TFDP2: variants seen among roughly 807,000 people sequenced by gnomAD.
The protein encoded by TFDP2 is transcription factor Dp-2 (E2F dimerization partner 2).
A neutral mutation model predicts 59.3 loss-of-function variants in TFDP2; 17 were observed. The ratio of observed to expected loss-of-function variants is 0.29; its 90% CI spans 0.20 to 0.43. TFDP2 has a LOEUF of 0.43. Among genes scored for constraint, TFDP2 ranks in the 20% least tolerant of loss-of-function variants. The pLI is 1.00. For missense variants in TFDP2, 391 were observed against 528.8 expected (o/e 0.74, Z 2.56); for synonymous variants, 180 against 194.7 (o/e 0.92, Z 0.63).
chr3:142,136,890 A>G (rs1006213322), intron 1 of TFDP2, among the ~76,000 whole-genome samples: 1 of 151,996 alleles, frequency 6.6e-6, no homozygotes, highest in Non-Finnish European at 1.5e-5. Context: ...TTGCTTCCAT[A>G]TGAACTTTTA....
At position 142,106,116 on chromosome 3, in the gene TFDP2, T is replaced by A. The variant is rs59797691; in HGVS notation, c.-92-4275A>T. ...GAAAAAAAACCTGTTTAATTGTGGT[T>A]AAAAAAAAAAACTCTTCTAAAATTA... On this transcript the variant is annotated intron_variant, in intron 1 of 12. Coordinates refer to ENST00000489671, the MANE Select transcript of TFDP2 (RefSeq NM_001178139.2). Among the ~76,000 whole-genome samples the A allele has an allele frequency of 7.8e-3, 1,138 of 145,492 alleles. 8 individuals carry two copies. Among genetic ancestry groups the A allele is most frequent in the African/African-American group, 0.023 (913 of 39,502 alleles).
chr3:142,001,622 T>C (rs1943777944), intron 4 of TFDP2, among the ~76,000 whole-genome samples: 1 of 152,224 alleles, frequency 6.6e-6, no homozygotes, highest in Non-Finnish European at 1.5e-5. Flanking sequence ...TTTTATTCTT[T>C]ACATGGCCAA....
chr3:141,958,947 CTT>C (rs984082447), intron 11 of TFDP2, among the ~76,000 whole-genome samples: 5,794 of 103,192 alleles, frequency 0.056, 94 homozygotes, highest in Middle Eastern at 0.087. Context: ...GATGTACCTA[CTT>C]TTTTTTTTTT....
intron 1 of TFDP2, among the ~76,000 whole-genome samples, chr3:142,113,520 C>G (rs1277451555): frequency 6.6e-6 from 1 of 152,100 alleles, no homozygotes; most frequent in Non-Finnish European, 1.5e-5. Flanking sequence ...CTCAGCCTCC[C>G]AAAGTGGTGG....
chr3:142,115,794 G>GT (rs1235672963), intron 1 of TFDP2, among the ~76,000 whole-genome samples: 1 of 152,138 alleles, frequency 6.6e-6, no homozygotes, highest in East Asian at 1.9e-4. Context: ...CCTTCTTGCA[G>GT]TAACAGAACA....
rs528450916 is a variant in TFDP2 at position 142,093,450 on chromosome 3, C to CA, written c.16-324dup. ...TGGATGACAGAGTGAGACCCTGTCT[C>CA]AAAAAAAAAAAAGGTGAGGGGAATA... On this transcript the variant is annotated intron_variant, in intron 2 of 12. Coordinates refer to ENST00000489671, the MANE Select transcript of TFDP2 (RefSeq NM_001178139.2). 6.4e-3 allele frequency among the ~76,000 whole-genome samples: 746 copies of CA among 116,346 alleles called. 5 individuals are homozygous for CA. Among genetic ancestry groups the CA allele is most frequent in the African/African-American group, 0.01 (315 of 30,916 alleles). The allele number at this position is 116,346 out of a possible 152,430, so 76.3% of individuals were successfully genotyped here.
chr3:142,043,048 A>ATTTTATT (rs1553787163), intron 3 of TFDP2, among the ~76,000 whole-genome samples: 1 of 99,434 alleles, frequency 1.0e-5, no homozygotes, highest in Non-Finnish European at 2.1e-5. Flanking sequence ...GGCGATGCTT[A>ATTTTATT]TTTTATTATT....
chr3:141,972,980 T>C (rs1003178519), intron 8 of TFDP2, among the ~76,000 whole-genome samples: 1 of 151,540 alleles, frequency 6.6e-6, no homozygotes, highest in African/African-American at 2.4e-5. Flanking sequence ...TTCTGATGAA[T>C]ATCTGGTTTC....
intron 4 of TFDP2, among the ~76,000 whole-genome samples, chr3:142,003,721 C>T (rs1373571744): frequency 6.6e-6 from 1 of 152,120 alleles, no homozygotes; most frequent in Non-Finnish European, 1.5e-5. Flanking sequence ...TTCCAAATCG[C>T]CTCTCCTTCT....
At chr3:142,023,844 C>T (rs965147176) in intron 3 of TFDP2, among the ~76,000 whole-genome samples, 8 of 152,272 alleles carry the variant, frequency 5.3e-5, no homozygotes, top group Admixed American at 4.6e-4. Context: ...TGCTCTGTTG[C>T]CTAGGCCGGA....
At chr3:141,973,123 A>ATATTTTTT in intron 8 of TFDP2, among the ~76,000 whole-genome samples, 5 of 58,020 alleles carry the variant, frequency 8.6e-5, no homozygotes, top group South Asian at 4.7e-4. Context: ...ATATATATAT[A>ATATTTTTT]TTTTTTTTTT....
At chr3:141,969,078 T>G (rs1239953129) in intron 9 of TFDP2, among the ~76,000 whole-genome samples, 3 of 63,018 alleles carry the variant, frequency 4.8e-5, no homozygotes, top group African/African-American at 7.8e-5. Context: ...ATATATGAGA[T>G]ATATATATAT....
At chr3:141,985,901 C>A (rs760029440) in intron 6 of TFDP2, among the ~76,000 whole-genome samples, 23 of 152,248 alleles carry the variant, frequency 1.5e-4, no homozygotes, top group Non-Finnish European at 2.4e-4. Flanking sequence ...ACAAGGAATG[C>A]AAATCAAAAT....
intron 4 of TFDP2, among the ~76,000 whole-genome samples, chr3:141,995,713 A>C (rs1323709181): frequency 6.6e-6 from 1 of 151,902 alleles, no homozygotes. Context: ...GTGAAAACCT[A>C]TCTCTATTAA....
intron 2 of TFDP2, among the ~76,000 whole-genome samples, chr3:142,100,249 A>G (rs780564158): frequency 4.6e-5 from 7 of 152,214 alleles, no homozygotes; most frequent in Non-Finnish European, 7.3e-5. Context: ...TCATGCAACA[A>G]CACTTGCTTC....
At chr3:142,003,593 A>G (rs1022485664) in intron 4 of TFDP2, among the ~76,000 whole-genome samples, 1 of 152,242 alleles carries the variant, frequency 6.6e-6, no homozygotes, top group African/African-American at 2.4e-5. Context: ...GAATCTTACA[A>G]CAATTAGGAA....
intron 3 of TFDP2, among the ~76,000 whole-genome samples, chr3:142,090,236 C>T (rs1186613056): frequency 6.6e-6 from 1 of 152,078 alleles, no homozygotes; most frequent in African/African-American, 2.4e-5. Context: ...GTTTGAACTC[C>T]AGGAGTTCAA....
intron 1 of TFDP2, among the ~76,000 whole-genome samples, chr3:142,135,784 T>G (rs1279816352): frequency 6.6e-6 from 1 of 152,110 alleles, no homozygotes; most frequent in Non-Finnish European, 1.5e-5. Context: ...TGTGCCACAA[T>G]TTCTTAATCC....
chr3:141,962,288 C>T (rs1937464323), intron 10 of TFDP2, among the ~76,000 whole-genome samples: 1 of 152,108 alleles, frequency 6.6e-6, no homozygotes, highest in African/African-American at 2.4e-5. Flanking sequence ...TGGTTTACTT[C>T]ATAACCTCTA....
Sources: allele counts gnomAD v4.1 joint callset (sites outside exome capture counted in the v4.1 genomes callset), GRCh38; gene constraint gnomAD v4.1.1; transcripts MANE v1.5; gene names NCBI Gene and HGNC (gene_info 2026-07-23, HGNC 2026-07-21).